ERC1: variants seen among roughly 807,000 people sequenced by gnomAD.
ERC1 encodes RAB6 interacting protein 2.
Under a neutral mutation model 132.0 loss-of-function variants are expected in ERC1, and 56 were observed. The ratio of observed to expected loss-of-function variants is 0.42; its 90% CI spans 0.34 to 0.53. ERC1 has a LOEUF of 0.53. ERC1 is among the 20% of genes least tolerant of loss of function. The pLI is 0.03. For missense variants in ERC1, 1,202 were observed against 1,349.9 expected, an observed-to-expected ratio of 0.89 and a Z score of 1.72; for synonymous variants, 478 against 476.1, an observed-to-expected ratio of 1.00 and a Z score of -0.05.
intron 11 of ERC1, among the ~76,000 whole-genome samples, chr12:1,185,818 CTGTT>C (rs1311303949): frequency 6.6e-6 from 1 of 150,624 alleles, no homozygotes; most frequent in Non-Finnish European, 1.5e-5. Context: ...ACTTTGGAAA[CTGTT>C]TGCATTTCTG....
chr12:1,223,635 T>C (rs2074337626), intron 12 of ERC1, among the ~76,000 whole-genome samples: 1 of 152,250 alleles, frequency 6.6e-6, no homozygotes, highest in Non-Finnish European at 1.5e-5. Context: ...TCTTCGTTTT[T>C]CTGTCTTCTT....
At chr12:1,353,005 G>A (rs1595178356) in intron 15 of ERC1, among the ~76,000 whole-genome samples, 1 of 150,916 alleles carries the variant, frequency 6.6e-6, no homozygotes, top group Non-Finnish European at 1.5e-5. Context: ...GGTACGAGAA[G>A]CAATCAAGTC....
chr12:1,235,924 G>T (rs541475199), intron 12 of ERC1, among the ~76,000 whole-genome samples: 60 of 152,208 alleles, frequency 3.9e-4, no homozygotes, highest in Non-Finnish European at 8.2e-4. Flanking sequence ...CTTCTGGGGA[G>T]TAGATTAAAG....
At chr12:1,403,286 T>C (rs376908208) in intron 16 of ERC1, among the ~76,000 whole-genome samples, 1 of 152,184 alleles carries the variant, frequency 6.6e-6, no homozygotes. Context: ...TCCCTGCACA[T>C]GCACCTGGCA....
chr12:1,020,484 A>T (rs1966192881), intron 1 of ERC1, among the ~76,000 whole-genome samples: 1 of 152,074 alleles, frequency 6.6e-6, no homozygotes, highest in South Asian at 2.1e-4. Context: ...AGAAACAAAC[A>T]TCTCAGATTT....
At chr12:1,435,665 C>T (rs2092927585) in intron 17 of ERC1, among the ~76,000 whole-genome samples, 1 of 152,196 alleles carries the variant, frequency 6.6e-6, no homozygotes, top group Non-Finnish European at 1.5e-5. Context: ...CCATTTTGCT[C>T]AGATCTCTCC....
intron 15 of ERC1, among the ~76,000 whole-genome samples, chr12:1,317,759 GA>G (rs2081866321): frequency 6.6e-6 from 1 of 152,110 alleles, no homozygotes; most frequent in African/African-American, 2.4e-5. Context: ...ATTATATGGT[GA>G]TCTTTGGATC....
At chr12:1,208,315 C>T (rs1433527190) in intron 12 of ERC1, among the ~76,000 whole-genome samples, 1 of 151,346 alleles carries the variant, frequency 6.6e-6, no homozygotes, top group African/African-American at 2.4e-5. Flanking sequence ...TGGCCCAACA[C>T]AAATTTGTAA....
intron 15 of ERC1, among the ~76,000 whole-genome samples, chr12:1,340,674 G>A (rs2154361925): frequency 6.6e-6 from 1 of 152,212 alleles, no homozygotes; most frequent in East Asian, 1.9e-4. Context: ...CACTCTCACT[G>A]CCTTCCCTCT....
chr12:1,016,173 T>C (rs1460527305), intron 1 of ERC1, among the ~76,000 whole-genome samples: 1 of 152,178 alleles, frequency 6.6e-6, no homozygotes, highest in Non-Finnish European at 1.5e-5. Flanking sequence ...GTTGGACTAG[T>C]GATTTTGAGA....
At chr12:1,431,603 T>C (rs549212134) in intron 17 of ERC1, among the ~76,000 whole-genome samples, 1 of 152,260 alleles carries the variant, frequency 6.6e-6, no homozygotes, top group Non-Finnish European at 1.5e-5. Context: ...TAGATTTTAC[T>C]AATTATCACT....
Position 1,491,888 on chromosome 12 carries a change from C to T in ERC1, c.*1658C>T, listed in dbSNP as rs972907989. 1 of 232,508 alleles carries T rather than the reference C, an allele frequency of 4.3e-6. No homozygotes were observed. 14.4% of individuals were successfully genotyped at this position (232,508 alleles called of 1,614,324 possible). A position where few individuals can be genotyped will look rare whatever the true frequency, so the allele number is the denominator to read the frequency against. ...AATCTAGTTCTTTGACCACCTCTACCACCAGAACCCAGCAGACACTCACAT... is the reference window on the plus strand; with the variant it reads ...AATCTAGTTCTTTGACCACCTCTACTACCAGAACCCAGCAGACACTCACAT... On this transcript the variant is annotated 3_prime_UTR_variant, in exon 19 of 19. Transcript: ENST00000360905.
At chr12:992,534 A>T (rs2154125028) in intron 1 of ERC1, among the ~76,000 whole-genome samples, 1 of 152,244 alleles carries the variant, frequency 6.6e-6, no homozygotes, top group East Asian at 1.9e-4. Flanking sequence ...AATGAAATGG[A>T]ACTCTTTTTT....
At chr12:1,363,873 T>C (rs532735904) in intron 15 of ERC1, among the ~76,000 whole-genome samples, 1 of 152,330 alleles carries the variant, frequency 6.6e-6, no homozygotes. Context: ...TATTTCTCAC[T>C]GTAGGTCAGT....
intron 1 of ERC1, among the ~76,000 whole-genome samples, chr12:997,546 G>A (rs1490424390): frequency 6.6e-6 from 1 of 152,190 alleles, no homozygotes; most frequent in African/African-American, 2.4e-5. Flanking sequence ...AATGACACAG[G>A]ATGGTAGCAA....
chr12:1,084,732 C>T (rs1942738228), intron 3 of ERC1, among the ~76,000 whole-genome samples: 1 of 151,798 alleles, frequency 6.6e-6, no homozygotes, highest in African/African-American at 2.4e-5. Context: ...CACTCTGTCA[C>T]TCAGGCTGGA....
At chr12:1,159,555 G>C (rs1951698952) in intron 8 of ERC1, among the ~76,000 whole-genome samples, 1 of 152,118 alleles carries the variant, frequency 6.6e-6, no homozygotes, top group Admixed American at 6.5e-5. Context: ...GATTAACTTG[G>C]GGCCATAGTG....
chr12:1,352,242 C>T (rs2085070360), intron 15 of ERC1, among the ~76,000 whole-genome samples: 1 of 152,168 alleles, frequency 6.6e-6, no homozygotes, highest in African/African-American at 2.4e-5. Context: ...TCCTAGTTTT[C>T]TCAGTGTTCC....
At chr12:1,041,717 G>A (rs1203612323) in intron 2 of ERC1, among the ~76,000 whole-genome samples, 1 of 152,228 alleles carries the variant, frequency 6.6e-6, no homozygotes, top group South Asian at 2.1e-4. Flanking sequence ...TCAAGGGTTA[G>A]GAAGTTACAC....
Sources: gnomAD v4.1 joint callset for allele counts (sites outside exome capture counted in the v4.1 genomes callset) on GRCh38, gnomAD v4.1.1 for gene constraint, MANE v1.5 for transcripts, NCBI Gene and HGNC (gene_info 2026-07-23, HGNC 2026-07-21) for gene names.